The following GFRAL variants were observed in gnomAD, a reference collection of about 807,000 sequenced individuals.
GFRAL encodes the protein GDNF family receptor alpha-like.
A neutral mutation model predicts 45.4 loss-of-function variants in GFRAL; 36 were observed. The observed-to-expected ratio is 0.79, with a 90% CI of 0.61 to 1.05. GFRAL has a LOEUF of 1.05. Ranked by LOEUF, GFRAL falls within the 50% of genes least tolerant of loss-of-function variation. GFRAL has a pLI of 0.00. For synonymous variants in GFRAL, 166 were observed against 154.1 expected (o/e 1.08, Z -0.57); for missense variants, 507 against 467.5 (o/e 1.08, Z -0.78).
chr6:55,384,859 G>A (rs9475278), intron 6 of GFRAL, among the ~76,000 whole-genome samples: 16,619 of 86,432 alleles, frequency 0.19, 1,040 homozygotes, highest in South Asian at 0.28. Flanking sequence ...TCTCCAAAAA[G>A]CAGCAAAAAA....
intron 5 of GFRAL, 147 bp from the exon 6 acceptor site, chr6:55,358,741 T>A: frequency 1.5e-6 from 1 of 681,616 alleles, no homozygotes; most frequent in Non-Finnish European, 2.4e-6. Flanking sequence ...CTATGGTGAT[T>A]TTTCAAATCA....
At chr6:55,338,664 C>T in intron 3 of GFRAL, among the ~76,000 whole-genome samples, 1 of 151,932 alleles carries the variant, frequency 6.6e-6, no homozygotes, top group East Asian at 1.9e-4. Context: ...TAGACTTGGG[C>T]CTTTTAGGGT....
chr6:55,395,276 C>T (rs914627265), intron 6 of GFRAL, among the ~76,000 whole-genome samples: 3 of 150,672 alleles, frequency 2.0e-5, no homozygotes, highest in Non-Finnish European at 4.4e-5. Context: ...ACATCAAAAC[C>T]TGTCTGGACA....
chr6:55,346,851 G>GA (rs1481716384), intron 3 of GFRAL, among the ~76,000 whole-genome samples: 3 of 67,958 alleles, frequency 4.4e-5, no homozygotes, highest in African/African-American at 1.0e-4. Context: ...CCAAAAAAAA[G>GA]AAAAAACAAA....
intron 5 of GFRAL, among the ~76,000 whole-genome samples, chr6:55,355,798 C>T (rs541638476): frequency 1.3e-5 from 2 of 151,818 alleles, no homozygotes; most frequent in Non-Finnish European, 2.9e-5. Context: ...TGTCTCATTA[C>T]AGATCATAGA....
intron 5 of GFRAL, among the ~76,000 whole-genome samples, chr6:55,352,263 A>G (rs745870292): frequency 3.3e-5 from 5 of 152,020 alleles, no homozygotes; most frequent in Non-Finnish European, 7.4e-5. Flanking sequence ...ATACATAATA[A>G]TATACTTAAT....
At chr6:55,381,351 T>G (rs1768605036) in intron 6 of GFRAL, among the ~76,000 whole-genome samples, 1 of 151,916 alleles carries the variant, frequency 6.6e-6, no homozygotes, top group South Asian at 2.1e-4. Flanking sequence ...ATAGCCATAC[T>G]TCTCACCCAT....
chr6:55,345,034 A>G (rs1183945280), intron 3 of GFRAL, among the ~76,000 whole-genome samples: 2 of 152,228 alleles, frequency 1.3e-5, no homozygotes, highest in Non-Finnish European at 2.9e-5. Flanking sequence ...GCTGAACAGA[A>G]TAAAAGAGGA....
intron 2 of GFRAL, among the ~76,000 whole-genome samples, chr6:55,333,093 T>C (rs1767850971): frequency 6.6e-6 from 1 of 152,150 alleles, no homozygotes; most frequent in Admixed American, 6.5e-5. Context: ...CCTTATTTAA[T>C]TTCAGTATAC....
Position 55,351,289 on chromosome 6 carries a change from A to G in GFRAL, c.407A>G (p.Glu136Gly), listed in dbSNP as rs1321544648. ...KGMWSCLEVA[E>G]ACVGDVVCNA... ...ATGTGGTCCTGTTTGGAAGTGGCAGAGGCATGTGTAGGGGATGTGGTCTGT... is the reference window on the plus strand; with the variant it reads ...ATGTGGTCCTGTTTGGAAGTGGCAGGGGCATGTGTAGGGGATGTGGTCTGT... The change falls in exon 5 of 9, where the codon GAG (glutamate) becomes GGG (glycine). Residue 136 changes from glutamate to glycine, a missense_variant. Glu to Gly is a moderately conservative substitution (Grantham distance 98). Transcript: ENST00000340465. The G allele has an allele frequency of 1.9e-6, 3 of 1,605,424 alleles. 1 individual carries two copies. In the South Asian group the frequency reaches 3.3e-5, roughly 18 times the overall value.
At chr6:55,345,771 G>A (rs1239887907) in intron 3 of GFRAL, among the ~76,000 whole-genome samples, 2 of 152,006 alleles carry the variant, frequency 1.3e-5, no homozygotes, top group African/African-American at 4.8e-5. Flanking sequence ...TACAGAATGG[G>A]AGAAAATTTT....
At chr6:55,377,103 A>G (rs76630619) in intron 6 of GFRAL, among the ~76,000 whole-genome samples, 5,937 of 152,114 alleles carry the variant, frequency 0.039, 166 homozygotes, top group African/African-American at 0.056. Flanking sequence ...CACCACATGT[A>G]GTGCTACTGG....
intron 3 of GFRAL, among the ~76,000 whole-genome samples, chr6:55,348,237 AGTGT>A (rs10560874): frequency 8.9e-4 from 134 of 150,230 alleles, no homozygotes; most frequent in African/African-American, 2.6e-3. Context: ...GGAAAAAATG[AGTGT>A]GTGTGTGTGT....
intron 6 of GFRAL, among the ~76,000 whole-genome samples, chr6:55,383,493 G>C (rs1174133301): frequency 6.6e-6 from 1 of 151,850 alleles, no homozygotes; most frequent in East Asian, 1.9e-4. Flanking sequence ...AAATACCATT[G>C]TGTTACACGT....
At chr6:55,369,095 C>T (rs893983826) in intron 6 of GFRAL, among the ~76,000 whole-genome samples, 9 of 151,268 alleles carry the variant, frequency 5.9e-5, no homozygotes, top group African/African-American at 2.2e-4. Flanking sequence ...ATCAGCGAGA[C>T]TCCGTGGGCG....
At chr6:55,399,512 A>G in intron 8 of GFRAL, 71 bp downstream of exon 8, 1 of 976,478 alleles carries the variant, frequency 1.0e-6, no homozygotes, top group Non-Finnish European at 1.6e-6. Flanking sequence ...ATGTTGCACA[A>G]TGGCTGAGCT....
chr6:55,380,214 T>A (rs980798934), intron 6 of GFRAL, among the ~76,000 whole-genome samples: 3 of 151,992 alleles, frequency 2.0e-5, no homozygotes, highest in Admixed American at 2.0e-4. Flanking sequence ...TTTTCCATAA[T>A]GGCTGCCCTA....
At chr6:55,358,797 T>C in intron 5 of GFRAL, 91 bp from the exon 6 acceptor site, 1 of 1,228,072 alleles carries the variant, frequency 8.1e-7, no homozygotes, top group Non-Finnish European at 1.2e-6. Context: ...AGGCATTGTG[T>C]TCTATGTCTT....
chr6:55,341,260 G>T (rs1767960735), intron 3 of GFRAL, among the ~76,000 whole-genome samples: 1 of 152,210 alleles, frequency 6.6e-6, no homozygotes, highest in Non-Finnish European at 1.5e-5. Flanking sequence ...TAGCCTAACT[G>T]GGAGGCACCC....
Sources: allele counts gnomAD v4.1 joint callset (sites outside exome capture counted in the v4.1 genomes callset), GRCh38; gene constraint gnomAD v4.1.1; transcripts MANE v1.5; gene names NCBI Gene and HGNC (gene_info 2026-07-23, HGNC 2026-07-21).